The following RANGAP1 variants were observed in gnomAD, a reference collection of about 807,000 sequenced individuals.
The protein encoded by RANGAP1 is Ran GTPase activating protein 1.
Under a neutral mutation model 63.5 loss-of-function variants are expected in RANGAP1, and 38 were observed. That is an observed-to-expected ratio of 0.60 (90% CI 0.46 to 0.78). The LOEUF (loss-of-function observed/expected upper bound fraction) is 0.78, where lower values mean the gene tolerates loss of function less well. Among genes scored for constraint, RANGAP1 ranks in the 30% least tolerant of loss-of-function variants. The pLI is 0.00. For missense variants in RANGAP1, 630 were observed against 740.3 expected, an observed-to-expected ratio of 0.85 and a Z score of 1.73; for synonymous variants, 329 against 310.5, an observed-to-expected ratio of 1.06 and a Z score of -0.63.
intron 6 of RANGAP1, 60 bp from the exon 7 acceptor site, chr22:41,258,166 A>G: frequency 6.5e-7 from 1 of 1,535,024 alleles, no homozygotes; most frequent in African/African-American, 1.4e-5. Flanking sequence ...TCCAGCAGGC[A>G]GGAGAGCAAT....
intron 7 of RANGAP1, 135 bp from the exon 8 acceptor site, chr22:41,256,959 G>C: frequency 1.5e-6 from 1 of 660,948 alleles, no homozygotes. Flanking sequence ...CACCAGCTTT[G>C]CCGTCTTCTA....
chr22:41,272,109 C>T (rs1051209262), intron 3 of RANGAP1, among the ~76,000 whole-genome samples: 1 of 152,168 alleles, frequency 6.6e-6, no homozygotes, highest in Admixed American at 6.5e-5. Context: ...AGGCCACGTA[C>T]GGCAAACAAG....
intron 6 of RANGAP1, among the ~76,000 whole-genome samples, chr22:41,258,982 CAT>C (rs2034007707): frequency 6.6e-6 from 1 of 152,136 alleles, no homozygotes; most frequent in African/African-American, 2.4e-5. Flanking sequence ...CAGGCTAACT[CAT>C]ATGAGTTCTA....
intron 3 of RANGAP1, 43 bp downstream of exon 3, chr22:41,274,557 C>T: frequency 6.2e-7 from 1 of 1,609,588 alleles, no homozygotes; most frequent in Non-Finnish European, 8.5e-7. Flanking sequence ...TGAACAGAAG[C>T]TTGTTCAAAC....
At chr22:41,280,689 T>C (rs1434679462) in intron 2 of RANGAP1, 1 of 1,448,956 alleles carries the variant, frequency 6.9e-7, no homozygotes, top group Admixed American at 2.1e-5. Context: ...TATCATCCCC[T>C]CCTGAGAAAG....
Position 41,246,537 on chromosome 22 carries a change from C to A in RANGAP1, c.*66G>T, listed in dbSNP as rs2033043254. ...GTCCAAGGCAATGGCGTAGGCTGCGCCTCAGTTCATCCGAGTCCCTCCCCA... is the reference window on the plus strand; with the variant it reads ...GTCCAAGGCAATGGCGTAGGCTGCGACTCAGTTCATCCGAGTCCCTCCCCA... On this transcript the variant is annotated 3_prime_UTR_variant, in exon 16 of 16. Transcript: ENST00000356244. The A allele has an allele frequency of 4.8e-6, 7 of 1,460,774 alleles. No homozygotes were observed. The highest frequency in any genetic ancestry group is 1.4e-5 in the African/African-American group (1 of 71,084). The allele number at this position is 1,460,774 out of a possible 1,614,324, so 90.5% of individuals were successfully genotyped here. A position where few individuals can be genotyped will look rare whatever the true frequency, so the allele number is the denominator to read the frequency against.
At position 41,251,044 on chromosome 22, in the gene RANGAP1, G is replaced by A. The variant is rs145103022; in HGVS notation, c.1446C>T (p.Asp482=). Residue 482 remains aspartate (D), a synonymous_variant, in exon 13 of 16, where the codon GAC becomes GAT. Transcript: ENST00000356244. ...GCACTGCCATCCTCACAGTAGCTTC[G>A]TCCTTGAACACAGATGACACCTTTA... The part of the protein sequence containing the change: ...AFLKVSSVFK[D]EATVRMAVQD... 75 of 1,614,012 alleles carry A rather than the reference G, an allele frequency of 4.6e-5. No individual in the cohort carries two copies. Among genetic ancestry groups the A allele is most frequent in the Non-Finnish European group, 5.8e-5 (69 of 1,180,044 alleles).
chr22:41,254,418 C>T lies in RANGAP1; in HGVS notation c.1150G>A (p.Glu384Lys), dbSNP rs1482286832. Reference sequence around the variant, plus strand: ...TCCTCCTCTTCTTCCTCCTCTTCCTCATCTTCCTCCTCCTCTTCTTCTGCT... The same window carrying T: ...TCCTCCTCTTCTTCCTCCTCTTCCTTATCTTCCTCCTCCTCTTCTTCTGCT... ...EEAEEEEEEDEEEEEEEEEEE... is the reference protein window; with the variant it reads ...EEAEEEEEEDKEEEEEEEEEE... Residue 384 changes from glutamate to lysine, a missense_variant, in exon 11 of 16, where the codon GAG (glutamate) becomes AAG (lysine). Transcript: ENST00000356244. 6.2e-7 allele frequency: 1 copy of T among 1,612,694 alleles called. No homozygotes were observed. Among genetic ancestry groups the T allele is most frequent in the East Asian group, 2.2e-5 (1 of 44,850 alleles).
chr22:41,281,408 G>T, intron 1 of RANGAP1: 1 of 1,008,778 alleles, frequency 9.9e-7, no homozygotes. Context: ...TCAGTGAATG[G>T]CAGTCAAGTC....
intron 3 of RANGAP1, among the ~76,000 whole-genome samples, chr22:41,272,793 C>T (rs936646375): frequency 5.3e-5 from 8 of 151,798 alleles, no homozygotes; most frequent in African/African-American, 7.3e-5. Flanking sequence ...GGATTACAGG[C>T]GTGACCCACC....
At chr22:41,255,930 G>A in intron 10 of RANGAP1, 91 bp downstream of exon 10, 2 of 1,319,018 alleles carry the variant, frequency 1.5e-6, no homozygotes, top group Non-Finnish European at 2.1e-6. Context: ...CTTTAGCCTG[G>A]GGAACAGAGC....
intron 3 of RANGAP1, among the ~76,000 whole-genome samples, chr22:41,272,852 G>A (rs907068781): frequency 3.3e-5 from 5 of 150,894 alleles, no homozygotes; most frequent in African/African-American, 7.3e-5. Context: ...TTGCTCTGTC[G>A]CTCAGGCTGG....
intron 13 of RANGAP1, 78 bp downstream of exon 13, chr22:41,250,929 C>T (rs763582496): frequency 3.9e-5 from 48 of 1,241,856 alleles, no homozygotes; most frequent in Middle Eastern, 1.9e-4. Flanking sequence ...TGACGAGTTA[C>T]GGCAACCACG....
At chr22:41,280,687 C>T (rs1204718591) in intron 2 of RANGAP1, 1 of 1,445,324 alleles carries the variant, frequency 6.9e-7, no homozygotes, top group Non-Finnish European at 9.2e-7. Context: ...CCTATCATCC[C>T]CTCCTGAGAA....
At chr22:41,276,179 G>A (rs1261880417) in intron 2 of RANGAP1, among the ~76,000 whole-genome samples, 1 of 152,196 alleles carries the variant, frequency 6.6e-6, no homozygotes, top group African/African-American at 2.4e-5. Context: ...ATGCACACAT[G>A]TGCATAAAAC....
the RANGAP1 span, among the ~76,000 whole-genome samples, chr22:41,292,371 A>C: frequency 3.5e-3 from 531 of 151,712 alleles, 4 homozygotes; most frequent in African/African-American, 0.012. Context: ...GCTGATCTCA[A>C]ACTCCCAACC....
upstream of RANGAP1, among the ~76,000 whole-genome samples, chr22:41,290,370 C>CAGGTT (rs1482653982): frequency 2.6e-5 from 4 of 151,978 alleles, no homozygotes; most frequent in Admixed American, 2.0e-4. Flanking sequence ...GCTGGGATTA[C>CAGGTT]AGGTTCCCAC....
chr22:41,288,613 A>G (rs1409363763), upstream of RANGAP1, among the ~76,000 whole-genome samples: 4 of 152,102 alleles, frequency 2.6e-5, no homozygotes, highest in East Asian at 7.7e-4. Flanking sequence ...TGGCCCTCAC[A>G]CAGAGACCTC....
intron 10 of RANGAP1, among the ~76,000 whole-genome samples, chr22:41,255,585 T>C (rs2033778618): frequency 8.9e-6 from 1 of 112,036 alleles, no homozygotes. Context: ...AGATCTGGCC[T>C]CACCCCTTCA....
Sources: allele counts gnomAD v4.1 joint callset (sites outside exome capture counted in the v4.1 genomes callset), GRCh38; gene constraint gnomAD v4.1.1; transcripts MANE v1.5; gene names NCBI Gene and HGNC (gene_info 2026-07-23, HGNC 2026-07-21).